Variants in DNAH14 observed in about 807,000 individuals in gnomAD.
DNAH14 encodes the protein axonemal beta dynein heavy chain 14.
A neutral mutation model predicts 520.9 loss-of-function variants in DNAH14; 478 were observed. The ratio of observed to expected loss-of-function variants is 0.92; its 90% confidence interval spans 0.85 to 0.99. DNAH14 has a LOEUF of 0.99. DNAH14 is among the 50% of genes least tolerant of loss of function. DNAH14 has a pLI of 0.00. For synonymous variants in DNAH14, 1,581 were observed against 1,757.2 expected (o/e 0.90, Z 2.51); for missense variants, 4,831 against 5,234.5 (o/e 0.92, Z 2.38).
intron 61 of DNAH14, among the ~76,000 whole-genome samples, chr1:225,322,373 G>GC (rs2094574762): frequency 6.6e-6 from 1 of 152,078 alleles, no homozygotes; most frequent in Admixed American, 6.5e-5. Context: ...ACAGGCATGA[G>GC]CCACCATGCC....
intron 36 of DNAH14, among the ~76,000 whole-genome samples, chr1:225,178,124 A>T (rs1348143238): frequency 1.3e-5 from 2 of 152,172 alleles, no homozygotes; most frequent in Non-Finnish European, 2.9e-5. Context: ...GAGCTTTAAG[A>T]TTTGACTGCC....
chr1:225,146,967 A>G (rs1424993822), intron 30 of DNAH14, 137 bp from the exon 31 acceptor site: 4 of 628,574 alleles, frequency 6.4e-6, no homozygotes. Context: ...CCCTATAAAA[A>G]TGCCTAGGAG....
At chr1:225,344,223 CTT>C (rs35070108) in intron 69 of DNAH14, among the ~76,000 whole-genome samples, 20,396 of 140,412 alleles carry the variant, frequency 0.15, 1,589 homozygotes, top group South Asian at 0.27. Context: ...TAAAACTGGG[CTT>C]TTTTTTTTTT....
chr1:225,125,578 T>C (rs2077652315), intron 27 of DNAH14, among the ~76,000 whole-genome samples: 1 of 152,208 alleles, frequency 6.6e-6, no homozygotes, highest in African/African-American at 2.4e-5. Flanking sequence ...CTTCACAGAA[T>C]TGAAAAGAGT....
intron 41 of DNAH14, among the ~76,000 whole-genome samples, chr1:225,213,123 A>G (rs1489616788): frequency 1.3e-5 from 2 of 152,240 alleles, no homozygotes. Context: ...AACTTTCTAC[A>G]TATGGCTAGC....
chr1:225,395,222 A>G (rs923270009), intron 84 of DNAH14, among the ~76,000 whole-genome samples: 2 of 152,208 alleles, frequency 1.3e-5, no homozygotes, highest in Non-Finnish European at 1.5e-5. Flanking sequence ...ATGATTTATT[A>G]AAAGATCCTA....
At chr1:225,162,337 G>C (rs192405438) in intron 35 of DNAH14, among the ~76,000 whole-genome samples, 1 of 152,014 alleles carries the variant, frequency 6.6e-6, no homozygotes, top group Admixed American at 6.6e-5. Context: ...GTTTTGTTCC[G>C]TTCGTCTGTA....
chr1:225,006,959 T>C (rs151082328), intron 9 of DNAH14, among the ~76,000 whole-genome samples: 172 of 152,322 alleles, frequency 1.1e-3, no homozygotes, highest in African/African-American at 4.0e-3. Flanking sequence ...TTGTACTCTT[T>C]CTCTTTATTT....
chr1:225,028,813 A>G (rs1272896224), intron 11 of DNAH14, among the ~76,000 whole-genome samples: 1 of 152,076 alleles, frequency 6.6e-6, no homozygotes, highest in Non-Finnish European at 1.5e-5. Flanking sequence ...GCTCATGAGG[A>G]TGAGGAGCAA....
At chr1:225,363,129 T>C (rs72750850) in intron 75 of DNAH14, among the ~76,000 whole-genome samples, 14,177 of 152,150 alleles carry the variant, frequency 0.093, 1,105 homozygotes, top group African/African-American at 0.21. Flanking sequence ...TTCATCTCTA[T>C]CTCCAAATTC....
rs867293086 is a variant in DNAH14, at chr1:225,345,968, T to C, written c.10685T>C (p.Ile3562Thr). Residue 3562 changes from isoleucine to threonine, a missense_variant, in exon 70 of 86, where the codon ATA becomes ACA. Transcript: ENST00000682510. ...LNLLQKALGS[I>T]LDDDKIVDTL... ...ACTTTTTGTTTGTCTTTAGGATCCA[T>C]ATTAGATGATGACAAAATTGTAGAT... The C allele has an allele frequency of 1.9e-5, 30 of 1,548,574 alleles. No individual in the cohort carries two copies. In the African/African-American group the frequency reaches 3.6e-4, roughly 18 times the overall value.
In DNAH14 at chr1:225,051,570, A is replaced by G. The variant is rs1391095851; in HGVS notation, c.2199A>G (p.Ser733=). The change falls in exon 17 of 86, where the codon TCA becomes TCG. Residue 733 remains serine (S), a synonymous_variant. Transcript: ENST00000682510. ...EKAKIMSMKI[S]SMGELTSKEF... ...CCAAAATCATGAGTATGAAAATATC[A>G]TCTATGGGAGAATTAACTTCAAAAG... is the stretch of plus-strand genomic sequence containing the variant. 4 of 1,551,106 alleles carry G rather than the reference A, an allele frequency of 2.6e-6. No individual in the cohort carries two copies. The highest frequency in any genetic ancestry group is 2.0e-5 in the Admixed American group (1 of 51,000).
intron 7 of DNAH14, chr1:224,969,149 G>T: frequency 3.9e-6 from 1 of 256,926 alleles, no homozygotes; most frequent in Non-Finnish European, 7.4e-6. Context: ...AGAAGAATGA[G>T]ATGTTCCATA....
At chr1:225,191,672 C>A (rs564889466) in intron 37 of DNAH14, among the ~76,000 whole-genome samples, 27 of 152,016 alleles carry the variant, frequency 1.8e-4, no homozygotes, top group Admixed American at 1.8e-3. Flanking sequence ...TCTGGAATTA[C>A]CATAATGTAT....
chr1:225,080,473 A>G lies in DNAH14; in HGVS notation c.2861A>G (p.Asn954Ser). The G allele has an allele frequency of 1.3e-6, 2 of 1,551,800 alleles. No individual in the cohort carries two copies. Among genetic ancestry groups the G allele is most frequent in the Non-Finnish European group, 8.7e-7 (1 of 1,147,004 alleles). ...TLSGEAASLTNKAKAYSHYQD... is the reference protein window; with the variant it reads ...TLSGEAASLTSKAKAYSHYQD... ...TCAGGGGAAGCTGCAAGTTTAACTA[A>G]CAAAGCTAAAGCATATTCACATTAT... Residue 954 changes from asparagine (N) to serine (S), a missense_variant, in exon 19 of 86, where the codon AAC becomes AGC. Asn to Ser is a conservative substitution (Grantham distance 46). Transcript: ENST00000682510.
chr1:224,954,686 C>A, intron 2 of DNAH14: 1 of 227,662 alleles, frequency 4.4e-6, no homozygotes, highest in Non-Finnish European at 8.4e-6. Flanking sequence ...CCAGTTAGAC[C>A]TATTTAAAAT....
rs2076509402 is a variant in DNAH14, at chr1:225,111,899, A to G, written c.3868-5785A>G. On this transcript the variant is annotated intron_variant, in intron 23 of 85. Transcript: ENST00000682510. ...AACTTAACACTGATTGCATAAACAA[A>G]CAAATGAGCAAAAACAAAGCTAATA... Among the ~76,000 whole-genome samples, 3 of 152,158 alleles carry G rather than the reference A, an allele frequency of 2.0e-5. No homozygotes were observed. In the South Asian group the frequency reaches 6.2e-4, roughly 32 times the overall value.
intron 81 of DNAH14, among the ~76,000 whole-genome samples, chr1:225,383,072 G>GGGTTT (rs2150766238): frequency 6.6e-6 from 1 of 152,284 alleles, no homozygotes; most frequent in South Asian, 2.1e-4. Flanking sequence ...GATGCTGAGA[G>GGGTTT]GGTTTTCTTT....
intron 21 of DNAH14, among the ~76,000 whole-genome samples, chr1:225,086,155 C>A (rs2073761038): frequency 6.6e-6 from 1 of 151,444 alleles, no homozygotes; most frequent in Non-Finnish European, 1.5e-5. Flanking sequence ...TTTTTTGAGA[C>A]AGAGTCTTAC....
Sources: gnomAD v4.1 joint callset for allele counts (sites outside exome capture counted in the v4.1 genomes callset) on GRCh38, gnomAD v4.1.1 for gene constraint, MANE v1.5 for transcripts, NCBI Gene and HGNC (gene_info 2026-07-23, HGNC 2026-07-21) for gene names.